The following STK35 variants were observed in gnomAD, a reference collection of about 807,000 sequenced individuals.
STK35 encodes serine/threonine-protein kinase 35.
In STK35, 17 loss-of-function variants were observed where a neutral mutation model predicts 37.3. The observed-to-expected ratio is 0.46, with a 90% CI of 0.31 to 0.68. The LOEUF (loss-of-function observed/expected upper bound fraction) is 0.68. Among genes scored for constraint, STK35 ranks in the 30% least tolerant of loss-of-function variants. The pLI is 0.05. For missense variants in STK35, 595 were observed against 746.7 expected, an observed-to-expected ratio of 0.80 and a Z score of 2.37; for synonymous variants, 385 against 319.1, an observed-to-expected ratio of 1.21 and a Z score of -2.20.
intron 2 of STK35, among the ~76,000 whole-genome samples, chr20:2,111,952 C>A (rs1192411617): frequency 6.6e-6 from 1 of 152,160 alleles, no homozygotes; most frequent in Non-Finnish European, 1.5e-5. Context: ...GCTTCTCTCC[C>A]AACTCTTCTG....
At chr20:2,128,476 G>T (rs374763772) in intron 3 of STK35, among the ~76,000 whole-genome samples, 2 of 152,110 alleles carry the variant, frequency 1.3e-5, no homozygotes, top group Non-Finnish European at 1.5e-5. Context: ...CTGTCCTGGC[G>T]TGTTCCTAGT....
In STK35 at chr20:2,129,318, C is replaced by G. The variant is rs922619027; in HGVS notation, c.*37+11903C>G. Among the ~76,000 whole-genome samples the G allele has an allele frequency of 2.6e-5, 4 of 152,130 alleles. No individual in the cohort carries two copies. In the South Asian group the frequency reaches 8.3e-4, roughly 32 times the overall value. Reference sequence around the variant, plus strand: ...CCTTCGTAAAGGGGGGTTGCTAACACCTGGAGGGATTGCCGTGGGGATTAC... The same window carrying G: ...CCTTCGTAAAGGGGGGTTGCTAACAGCTGGAGGGATTGCCGTGGGGATTAC... On this transcript the variant is annotated intron_variant, in intron 3 of 3. Transcript: ENST00000381482.
intron 3 of STK35, among the ~76,000 whole-genome samples, chr20:2,132,825 C>T (rs181019765): frequency 3.0e-4 from 45 of 152,282 alleles, no homozygotes; most frequent in South Asian, 1.5e-3. Context: ...ACTAGCTGGG[C>T]GGCTTTGGGC....
In STK35 at chr20:2,117,822, A is replaced by G. The variant is rs1359604198; in HGVS notation, c.*37+407A>G. Among the ~76,000 whole-genome samples the G allele has an allele frequency of 2.0e-5, 3 of 152,318 alleles. No homozygotes were observed. The East Asian group carries it at 5.8e-4, about 29-fold the overall frequency. On this transcript the variant is annotated intron_variant, in intron 3 of 3. Coordinates refer to ENST00000381482, the MANE Select transcript of STK35 (RefSeq NM_080836.4). The surrounding 1 kb of genome is among the most constrained non-coding windows in gnomAD (Gnocchi z 4.4). The stretch of plus-strand genomic sequence containing the variant: ...CCTGGCATGGGCCCTGTGAACTTGC[A>G]GGGGAATACAAAGTTGAAGAAAATG...
chr20:2,102,274 C>T (rs1382208206), intron 1 of STK35, 99 bp downstream of exon 1: 3 of 1,359,916 alleles, frequency 2.2e-6, no homozygotes, highest in Non-Finnish European at 2.9e-6. Flanking sequence ...CGGCCAGTCG[C>T]ACTCCGAGAA....
At chr20:2,125,608 G>C (rs1402469648) in intron 3 of STK35, among the ~76,000 whole-genome samples, 1 of 152,174 alleles carries the variant, frequency 6.6e-6, no homozygotes, top group African/African-American at 2.4e-5. Context: ...GGCTGCCATG[G>C]GTGTCCTTCA....
rs758172244 is a variant in STK35, at chr20:2,146,161, G to T, written c.*2415G>T. The T allele has an allele frequency of 6.6e-6, 1 of 152,240 alleles. No individual in the cohort carries two copies. Among genetic ancestry groups the T allele is most frequent in the Non-Finnish European group, 1.5e-5 (1 of 68,066 alleles). The allele number at this position is 152,240 out of a possible 1,614,324, so 9.4% of individuals were successfully genotyped here. A position where few individuals can be genotyped will look rare whatever the true frequency, so the allele number is the denominator to read the frequency against. ...GTTTTAGCCCCAAGTGCCTGCCCTT[G>T]CTTCTTACCCCTCCCCTGCTTTCTC... On this transcript the variant is annotated 3_prime_UTR_variant, in exon 4 of 4. Coordinates refer to ENST00000381482, the MANE Select transcript of STK35 (RefSeq NM_080836.4).
chr20:2,136,059 C>T (rs1355223143), intron 3 of STK35, among the ~76,000 whole-genome samples: 1 of 151,460 alleles, frequency 6.6e-6, no homozygotes, highest in Non-Finnish European at 1.5e-5. Flanking sequence ...AGTCATAAGT[C>T]TACTCTTTTC....
chr20:2,139,657 G>T (rs1238449159), intron 3 of STK35, among the ~76,000 whole-genome samples: 1 of 152,186 alleles, frequency 6.6e-6, no homozygotes, highest in African/African-American at 2.4e-5. Flanking sequence ...TCTTAGGGTT[G>T]CTGGGGTGAA....
intron 3 of STK35, among the ~76,000 whole-genome samples, chr20:2,132,289 A>G (rs1243866272): frequency 6.6e-6 from 1 of 152,260 alleles, no homozygotes; most frequent in Non-Finnish European, 1.5e-5. Context: ...AGTGATGGCA[A>G]AGTAGAGGAC....
chr20:2,116,859 G>A lies in STK35; in HGVS notation c.1086G>A (p.Lys362=), dbSNP rs748933285. 18 of 1,614,066 alleles carry A rather than the reference G, an allele frequency of 1.1e-5. 1 individual carries two copies. Among genetic ancestry groups the A allele is most frequent in the Middle Eastern group, 1.6e-4 (1 of 6,084 alleles). ...HKNHIVHRDL[K]PDNILITERS... The stretch of plus-strand genomic sequence containing the variant: ...ACCATATTGTGCACAGGGACCTGAA[G>A]CCAGACAACATCCTCATCACAGAGC... The change falls in exon 3 of 4, where the codon AAG becomes AAA. Residue 362 remains lysine (K), a synonymous_variant. Coordinates refer to ENST00000381482, the MANE Select transcript of STK35 (RefSeq NM_080836.4).
At chr20:2,137,569 C>T (rs1467073073) in intron 3 of STK35, among the ~76,000 whole-genome samples, 1 of 152,178 alleles carries the variant, frequency 6.6e-6, no homozygotes, top group Non-Finnish European at 1.5e-5. Flanking sequence ...AACATTTTGC[C>T]CGTTCTGTAT....
rs557567317 is a variant in STK35, at chr20:2,117,427, CTGT to C, written c.*37+20_*37+22del. 277 of 1,466,542 alleles carry C rather than the reference CTGT, an allele frequency of 1.9e-4. 1 individual carries two copies. In the African/African-American group the frequency reaches 2.7e-3, roughly 14 times the overall value. The allele number at this position is 1,466,542 out of a possible 1,614,324, so 90.8% of individuals were successfully genotyped here. ...TGATTTTAAACTAGGTGAGTGCTCTCTGTTGTTGTTTTTTGTTTTTTGTTTTGA... is the reference window on the plus strand; with the variant it reads ...TGATTTTAAACTAGGTGAGTGCTCTCTGTTGTTTTTTGTTTTTTGTTTTGA... On this transcript the variant is annotated intron_variant, in intron 3 of 3. Transcript: ENST00000381482. This position sits in a 1 kb window ranked among gnomAD's most constrained non-coding sequence, Gnocchi z 4.4.
chr20:2,121,429 C>T (rs1288283875), intron 3 of STK35, among the ~76,000 whole-genome samples: 1 of 152,034 alleles, frequency 6.6e-6, no homozygotes, highest in Non-Finnish European at 1.5e-5. Context: ...AGGTGTCAGC[C>T]TAAGTGATGG....
chr20:2,116,768 C>T lies in STK35; in HGVS notation c.995C>T (p.Pro332Leu). ...DLNQYVLSRR[P>L]DPATNKSFML... ...AATCAGTATGTCCTGTCCCGGAGGC[C>T]AGACCCAGCCACCAACAAAAGTTTC... is the stretch of plus-strand genomic sequence containing the variant. Residue 332 changes from proline (P) to leucine (L), a missense_variant, in exon 3 of 4, where the codon CCA becomes CTA. Physicochemically the swap from Pro to Leu is moderately conservative, Grantham distance 98. Around this residue, in one of 3 missense-constraint regions of STK35, gnomAD observed 109 missense variants for 280.3 expected, o/e 0.39. Coordinates refer to ENST00000381482, the MANE Select transcript of STK35 (RefSeq NM_080836.4). 1 of 1,614,178 alleles carries T rather than the reference C, an allele frequency of 6.2e-7. No individual in the cohort carries two copies. The highest frequency in any genetic ancestry group is 8.5e-7 in the Non-Finnish European group (1 of 1,180,030).
intron 3 of STK35, among the ~76,000 whole-genome samples, chr20:2,125,780 G>A (rs1377897114): frequency 2.0e-5 from 3 of 152,200 alleles, no homozygotes; most frequent in East Asian, 1.9e-4. Context: ...CCATATAACC[G>A]AGGTCTGGCA....
chr20:2,114,935 T>C (rs1181131077), intron 2 of STK35, among the ~76,000 whole-genome samples: 1 of 152,228 alleles, frequency 6.6e-6, no homozygotes, highest in Admixed American at 6.5e-5. Flanking sequence ...CTCCTTTTTG[T>C]GGGTCTTTAG....
chr20:2,118,528 G>A (rs1242459175), intron 3 of STK35, among the ~76,000 whole-genome samples: 1 of 152,068 alleles, frequency 6.6e-6, no homozygotes, highest in Non-Finnish European at 1.5e-5. Flanking sequence ...CTTGCAGTGA[G>A]CTGAGATCGT....
intron 3 of STK35, among the ~76,000 whole-genome samples, chr20:2,121,259 AG>A (rs1185425481): frequency 6.6e-6 from 1 of 152,200 alleles, no homozygotes; most frequent in Non-Finnish European, 1.5e-5. Context: ...ATAAGATGGG[AG>A]GCTGTTGCAA....
Sources: allele counts gnomAD v4.1 joint callset (sites outside exome capture counted in the v4.1 genomes callset), GRCh38; gene constraint gnomAD v4.1.1; regional missense constraint gnomAD v4.1.1; non-coding constraint Gnocchi (gnomAD v3.1); transcripts MANE v1.5; gene names NCBI Gene and HGNC (gene_info 2026-07-23, HGNC 2026-07-21).